RUNX2: variants seen among roughly 807,000 people sequenced by gnomAD.
The protein encoded by RUNX2 is runt-related transcription factor 2.
A neutral mutation model predicts 51.7 loss-of-function variants in RUNX2; 10 were observed. The observed-to-expected ratio is 0.19, with a 90% CI of 0.12 to 0.33. The LOEUF is 0.33. Among genes scored for constraint, RUNX2 ranks in the 10% least tolerant of loss-of-function variants. The pLI is 1.00. For missense variants in RUNX2, 562 were observed against 691.3 expected, an observed-to-expected ratio of 0.81 and a Z score of 2.10; for synonymous variants, 276 against 273.6, an observed-to-expected ratio of 1.01 and a Z score of -0.09.
At position 45,532,871 on chromosome 6, in the gene RUNX2, C is replaced by G. The variant is rs1185709626; in HGVS notation, c.1022-12346C>G. 4.6e-5 allele frequency among the ~76,000 whole-genome samples: 7 copies of G among 151,340 alleles called. No individual in the cohort carries two copies. In the East Asian group the frequency reaches 1.2e-3, roughly 25 times the overall value. On this transcript the variant is annotated intron_variant, in intron 7 of 8. Coordinates refer to ENST00000647337, the MANE Select transcript of RUNX2 (RefSeq NM_001024630.4). ...TACTACTGGACTACTGTGTGTTTGT[C>G]CCACGTCCCACAGCTAGCTAAGCAG...
chr6:45,424,397 C>G (rs559725793), intron 3 of RUNX2, among the ~76,000 whole-genome samples: 1 of 152,208 alleles, frequency 6.6e-6, no homozygotes, highest in Non-Finnish European at 1.5e-5. Flanking sequence ...GCCAGGGATG[C>G]AGGGGTGGTA....
At chr6:45,334,449 C>CAAAAAAAAAAA (rs551014969) in intron 2 of RUNX2, among the ~76,000 whole-genome samples, 7 of 91,752 alleles carry the variant, frequency 7.6e-5, no homozygotes, top group Non-Finnish European at 1.3e-4. Flanking sequence ...TCAGGAAAAG[C>CAAAAAAAAAAA]AAAAAAAAAA....
At chr6:45,476,595 C>T (rs1353512870) in intron 5 of RUNX2, among the ~76,000 whole-genome samples, 1 of 152,080 alleles carries the variant, frequency 6.6e-6, no homozygotes, top group African/African-American at 2.4e-5. Flanking sequence ...GGCTTTTAGA[C>T]TGGGTAAAAA....
intron 2 of RUNX2, among the ~76,000 whole-genome samples, chr6:45,388,295 G>T (rs1797397547): frequency 1.3e-5 from 2 of 152,216 alleles, no homozygotes; most frequent in South Asian, 4.1e-4. Context: ...TGCTGAAAAA[G>T]TGAGGATGAC....
rs372920493 is a variant in RUNX2, at chr6:45,508,925, G to T, written c.860-3321G>T. Among the ~76,000 whole-genome samples, 8 of 152,252 alleles carry T rather than the reference G, an allele frequency of 5.3e-5. No individual in the cohort carries two copies. In the East Asian group the frequency reaches 7.7e-4, roughly 15 times the overall value. On this transcript the variant is annotated intron_variant, in intron 6 of 8. Coordinates refer to ENST00000647337, the MANE Select transcript of RUNX2 (RefSeq NM_001024630.4). ...AATAGTTGTTTATTGAGTACTATGT[G>T]CAAGGCATTATACTTAGTTATGCTG...
intron 5 of RUNX2, among the ~76,000 whole-genome samples, chr6:45,485,697 G>GTGTGTGTGTATATATATATATATA (rs1219072282): frequency 3.2e-4 from 33 of 104,036 alleles, no homozygotes; most frequent in African/African-American, 1.2e-3. Context: ...GTGTGTGTGT[G>GTGTGTGTGTATATATATATATATA]TATATATATA....
intron 5 of RUNX2, among the ~76,000 whole-genome samples, chr6:45,484,743 A>G (rs1015112829): frequency 6.6e-6 from 1 of 152,222 alleles, no homozygotes; most frequent in African/African-American, 2.4e-5. Flanking sequence ...TACATGTGGA[A>G]TGCAATCGTG....
chr6:45,514,139 G>A (rs1233538791), intron 7 of RUNX2, among the ~76,000 whole-genome samples: 1 of 152,138 alleles, frequency 6.6e-6, no homozygotes, highest in Non-Finnish European at 1.5e-5. Context: ...AAACCTCAGG[G>A]AGTGATGGTA....
At chr6:45,436,234 T>C (rs922741020) in intron 4 of RUNX2, among the ~76,000 whole-genome samples, 1 of 152,178 alleles carries the variant, frequency 6.6e-6, no homozygotes, top group Non-Finnish European at 1.5e-5. Flanking sequence ...AATAAATTAC[T>C]TATTAATTTT....
At chr6:45,458,900 T>C (rs533644623) in intron 5 of RUNX2, among the ~76,000 whole-genome samples, 1 of 152,240 alleles carries the variant, frequency 6.6e-6, no homozygotes, top group African/African-American at 2.4e-5. Flanking sequence ...GTCCACAATC[T>C]GTCCTCTTGG....
At chr6:45,535,070 G>T (rs1016968216) in intron 7 of RUNX2, among the ~76,000 whole-genome samples, 1 of 152,064 alleles carries the variant, frequency 6.6e-6, no homozygotes, top group African/African-American at 2.4e-5. Flanking sequence ...AGAGGGGAAC[G>T]GTGCACACTG....
chr6:45,497,828 C>T (rs1227493807), intron 6 of RUNX2, among the ~76,000 whole-genome samples: 1 of 152,194 alleles, frequency 6.6e-6, no homozygotes, highest in Non-Finnish European at 1.5e-5. Flanking sequence ...GTTCGGTGAT[C>T]AGTGAATAAA....
chr6:45,463,357 ATATTAAAG>A (rs1468801314), intron 5 of RUNX2, among the ~76,000 whole-genome samples: 10 of 152,258 alleles, frequency 6.6e-5, no homozygotes, highest in Admixed American at 2.6e-4. Context: ...AAGACATCAA[ATATTAAAG>A]TAATGTTATA....
intron 2 of RUNX2, among the ~76,000 whole-genome samples, chr6:45,378,157 C>T (rs1797086985): frequency 1.3e-5 from 2 of 152,188 alleles, no homozygotes; most frequent in African/African-American, 4.8e-5. Context: ...CCGGCTTGGG[C>T]AGCGCTGAGC....
chr6:45,468,833 C>A (rs564131842), intron 5 of RUNX2, among the ~76,000 whole-genome samples: 1 of 152,194 alleles, frequency 6.6e-6, no homozygotes, highest in East Asian at 1.9e-4. Flanking sequence ...AGCTGCACAC[C>A]CCCAATCATG....
In RUNX2 at chr6:45,421,921, T is replaced by A. The variant is rs74865052; in HGVS notation, c.59-672T>A. 0.027 allele frequency: 4,077 copies of A among 151,936 alleles called. 194 individuals carry two copies. Among genetic ancestry groups the A allele is most frequent in the African/African-American group, 0.093 (3,823 of 41,304 alleles). 9.4% of individuals were successfully genotyped at this position (151,936 alleles called of 1,614,324 possible). ...GGGAGTGGATGCAAAGAGGTGGCTG[T>A]GAGAGGGCGAGAAGAAAAGAAGGGA... On this transcript the variant is annotated intron_variant, in intron 2 of 8. Transcript: ENST00000647337.
At chr6:45,424,450 C>T (rs1798329792) in intron 3 of RUNX2, among the ~76,000 whole-genome samples, 1 of 152,146 alleles carries the variant, frequency 6.6e-6, no homozygotes, top group South Asian at 2.1e-4. Context: ...TGCTTTGGGC[C>T]CTTGCTAACC....
rs189121855 is a variant in RUNX2 at position 45,541,060 on chromosome 6, T to C, written c.1022-4157T>C. Among the ~76,000 whole-genome samples the C allele has an allele frequency of 2.0e-5, 3 of 152,372 alleles. No homozygotes were observed. The East Asian group carries it at 5.8e-4, about 29-fold the overall frequency. ...TTGATGTCAGCATTGCTCAATGCTTTTCATATCTTTTCCTTTTGTGTTAAA... is the reference window on the plus strand; with the variant it reads ...TTGATGTCAGCATTGCTCAATGCTTCTCATATCTTTTCCTTTTGTGTTAAA... On this transcript the variant is annotated intron_variant, in intron 7 of 8. Transcript: ENST00000647337.
At position 45,360,026 on chromosome 6, in the gene RUNX2, T is replaced by C. The variant is rs545184426; in HGVS notation, c.58+31242T>C. Among the ~76,000 whole-genome samples, 7 of 152,374 alleles carry C rather than the reference T, an allele frequency of 4.6e-5. No individual in the cohort carries two copies. The East Asian group carries it at 5.8e-4, about 13-fold the overall frequency. On this transcript the variant is annotated intron_variant, in intron 2 of 8. Coordinates refer to ENST00000647337, the MANE Select transcript of RUNX2 (RefSeq NM_001024630.4). ...TTAGCTTTCACATTTTATTTCATTA[T>C]AGCACAGTAGTCACACATAAACTGT...
Sources: allele counts gnomAD v4.1 joint callset (sites outside exome capture counted in the v4.1 genomes callset), GRCh38; gene constraint gnomAD v4.1.1; transcripts MANE v1.5; gene names NCBI Gene and HGNC (gene_info 2026-07-23, HGNC 2026-07-21).